The following THSD7A variants were observed in gnomAD, a reference collection of about 807,000 sequenced individuals.
THSD7A encodes the protein thrombospondin type 1 domain containing 7A, also known as thrombospondin type-1 domain-containing protein 7A.
Under a neutral mutation model 231.3 loss-of-function variants are expected in THSD7A, and 96 were observed. The ratio of observed to expected loss-of-function variants is 0.41; its 90% CI spans 0.35 to 0.49. The LOEUF is 0.49. Ranked by LOEUF, THSD7A falls within the 20% of genes least tolerant of loss-of-function variation. The probability of loss-of-function intolerance (pLI) is 0.05; values close to 1 mark genes in which losing one functional copy is unlikely to be tolerated. For synonymous variants in THSD7A, 940 were observed against 743.3 expected, an observed-to-expected ratio of 1.26 and a Z score of -4.30; for missense variants, 2,290 against 2,070.2, an observed-to-expected ratio of 1.11 and a Z score of -2.06.
intron 1 of THSD7A, among the ~76,000 whole-genome samples, chr7:11,722,054 A>C (rs1241794910): frequency 6.6e-6 from 1 of 151,902 alleles, no homozygotes; most frequent in Non-Finnish European, 1.5e-5. Context: ...CCTTTGCAAA[A>C]TTATAATAAC....
intron 3 of THSD7A, among the ~76,000 whole-genome samples, chr7:11,592,400 T>C (rs1780201356): frequency 6.6e-6 from 1 of 152,234 alleles, no homozygotes; most frequent in South Asian, 2.1e-4. Context: ...CACACATCTC[T>C]ATTGAAAAAC....
intron 10 of THSD7A, 74 bp from the exon 11 acceptor site, chr7:11,460,839 G>C (rs1025439063): frequency 8.2e-7 from 1 of 1,223,998 alleles, no homozygotes; most frequent in African/African-American, 1.5e-5. Flanking sequence ...CAGCAGCATG[G>C]AAACATGACT....
intron 13 of THSD7A, among the ~76,000 whole-genome samples, chr7:11,434,592 T>C (rs1177137822): frequency 6.6e-6 from 1 of 152,128 alleles, no homozygotes; most frequent in Admixed American, 6.6e-5. Flanking sequence ...TTTATAGCTG[T>C]GTGAATGAGT....
At chr7:11,482,826 G>T (rs1786485480) in intron 6 of THSD7A, among the ~76,000 whole-genome samples, 1 of 152,058 alleles carries the variant, frequency 6.6e-6, no homozygotes, top group Non-Finnish European at 1.5e-5. Context: ...TTTAATATTT[G>T]CTGAATGCGT....
At chr7:11,521,831 C>A (rs1176688954) in intron 6 of THSD7A, among the ~76,000 whole-genome samples, 1 of 151,958 alleles carries the variant, frequency 6.6e-6, no homozygotes, top group African/African-American at 2.4e-5. Context: ...TCAATGTACC[C>A]TTTCTGATAG....
intron 1 of THSD7A, among the ~76,000 whole-genome samples, chr7:11,688,700 C>G (rs559262057): frequency 6.6e-6 from 1 of 151,720 alleles, no homozygotes; most frequent in East Asian, 2.0e-4. Context: ...TGTACAGGTG[C>G]GTGGAGCAAG....
intron 6 of THSD7A, among the ~76,000 whole-genome samples, chr7:11,504,312 G>C (rs747468275): frequency 3.3e-5 from 5 of 152,098 alleles, no homozygotes; most frequent in Non-Finnish European, 7.4e-5. Context: ...TCCACTTGAT[G>C]GGAAGGGTGG....
chr7:11,562,767 G>A (rs1055288263), intron 4 of THSD7A, among the ~76,000 whole-genome samples: 5 of 151,966 alleles, frequency 3.3e-5, no homozygotes, highest in Non-Finnish European at 7.4e-5. Context: ...AATATTAAGT[G>A]CTTACTCTTT....
intron 6 of THSD7A, among the ~76,000 whole-genome samples, chr7:11,533,170 C>T (rs1788774108): frequency 6.6e-6 from 1 of 152,082 alleles, no homozygotes; most frequent in African/African-American, 2.4e-5. Context: ...TAAAACTTTG[C>T]CAATTTAGAC....
chr7:11,707,599 CAG>C (rs1193841239), intron 1 of THSD7A, among the ~76,000 whole-genome samples: 2 of 150,896 alleles, frequency 1.3e-5, no homozygotes, highest in African/African-American at 2.4e-5. Flanking sequence ...GCAAAACCAT[CAG>C]AGAGTCTAAG....
intron 1 of THSD7A, among the ~76,000 whole-genome samples, chr7:11,725,743 T>C (rs1327211124): frequency 6.6e-6 from 1 of 151,972 alleles, no homozygotes; most frequent in Admixed American, 6.6e-5. Context: ...GATTTAAACA[T>C]ACGCAGTTGT....
At chr7:11,786,351 C>A (rs531619462) in intron 1 of THSD7A, among the ~76,000 whole-genome samples, 1 of 152,028 alleles carries the variant, frequency 6.6e-6, no homozygotes, top group Non-Finnish European at 1.5e-5. Context: ...GAAACCCCTG[C>A]GGAGAGATTC....
chr7:11,628,864 A>G (rs761574744), intron 2 of THSD7A, among the ~76,000 whole-genome samples: 1 of 152,202 alleles, frequency 6.6e-6, no homozygotes, highest in Non-Finnish European at 1.5e-5. Context: ...GCAGAAAACA[A>G]TGTAAACTCA....
At chr7:11,691,603 C>A (rs554797960) in intron 1 of THSD7A, among the ~76,000 whole-genome samples, 1 of 151,016 alleles carries the variant, frequency 6.6e-6, no homozygotes, top group East Asian at 2.0e-4. Flanking sequence ...ATATATAATC[C>A]ATAACATCTA....
chr7:11,827,928 T>A (rs1345811424), intron 1 of THSD7A, among the ~76,000 whole-genome samples: 2 of 152,136 alleles, frequency 1.3e-5, no homozygotes, highest in Non-Finnish European at 2.9e-5. Context: ...TTTCCTACTT[T>A]CCCTGGAAGG....
chr7:11,620,640 G>A (rs974916464), intron 2 of THSD7A, among the ~76,000 whole-genome samples: 1 of 152,190 alleles, frequency 6.6e-6, no homozygotes, highest in Non-Finnish European at 1.5e-5. Flanking sequence ...GACAGAGGAG[G>A]AAAGGGTAGG....
chr7:11,645,410 C>A (rs1480370004), intron 1 of THSD7A, among the ~76,000 whole-genome samples: 7 of 151,672 alleles, frequency 4.6e-5, no homozygotes, highest in African/African-American at 1.7e-4. Context: ...ATATTTCTTT[C>A]ATTGAGTTTT....
At chr7:11,761,100 C>T (rs573123318) in intron 1 of THSD7A, among the ~76,000 whole-genome samples, 8 of 151,364 alleles carry the variant, frequency 5.3e-5, no homozygotes, top group East Asian at 1.9e-4. Context: ...TAGAACAGCC[C>T]GAAGATTAAC....
rs1159021254 is a variant in THSD7A, at chr7:11,573,816, T to C, written c.1453+16644A>G. ...ATTTATTGACGCTTGGGTTTATTAC[T>C]GAGTCAGTTTATTTACTTATTCAAT... On this transcript the variant is annotated intron_variant, in intron 4 of 27. Transcript: ENST00000423059. 3.3e-5 allele frequency among the ~76,000 whole-genome samples: 5 copies of C among 152,310 alleles called. No homozygotes were observed. In the East Asian group the frequency reaches 9.6e-4, roughly 29 times the overall value.
Sources: allele counts gnomAD v4.1 joint callset (sites outside exome capture counted in the v4.1 genomes callset), GRCh38; gene constraint gnomAD v4.1.1; transcripts MANE v1.5; gene names NCBI Gene and HGNC (gene_info 2026-07-23, HGNC 2026-07-21).